The following DLG2 variants were observed in gnomAD, a reference collection of about 807,000 sequenced individuals.
DLG2 encodes discs large MAGUK scaffold protein 2.
DLG2 carries 45 observed loss-of-function variants against 132.5 expected under a neutral mutation model. The ratio of observed to expected loss-of-function variants is 0.34; its 90% CI spans 0.27 to 0.44. DLG2 has a LOEUF of 0.44. DLG2 is among the 20% of genes least tolerant of loss of function. The pLI is 1.00. For missense variants in DLG2, 1,045 were observed against 1,196.9 expected, an observed-to-expected ratio of 0.87 and a Z score of 1.87; for synonymous variants, 424 against 419.6, an observed-to-expected ratio of 1.01 and a Z score of -0.13.
intron 6 of DLG2, among the ~76,000 whole-genome samples, chr11:84,811,298 G>C (rs930529190): frequency 2.6e-5 from 4 of 152,106 alleles, no homozygotes; most frequent in Non-Finnish European, 5.9e-5. Context: ...TTCTGTGACA[G>C]AGTGAAAAAG....
In DLG2 at chr11:85,504,532, G is replaced by T. The variant is rs968323963; in HGVS notation, c.40+94125C>A. ...AATATCAGATGGTTGTAGATGTGTG[G>T]TATTATTTCTGAGGACTCTGTTCTG... On this transcript the variant is annotated intron_variant, in intron 3 of 27. Transcript: ENST00000376104. Among the ~76,000 whole-genome samples the T allele has an allele frequency of 9.9e-5, 15 of 152,038 alleles. 1 individual carries two copies. Among genetic ancestry groups the T allele is most frequent in the Admixed American group, 9.8e-4 (15 of 15,260 alleles).
intron 6 of DLG2, among the ~76,000 whole-genome samples, chr11:84,904,469 T>C (rs971927404): frequency 2.6e-5 from 4 of 152,196 alleles, no homozygotes; most frequent in African/African-American, 7.2e-5. Context: ...ATCTTATTTT[T>C]TAACTAAATC....
At chr11:85,370,708 T>G (rs1220809589) in intron 3 of DLG2, among the ~76,000 whole-genome samples, 4 of 152,194 alleles carry the variant, frequency 2.6e-5, no homozygotes, top group Non-Finnish European at 5.9e-5. Flanking sequence ...AACTTCAGTT[T>G]CAAAATTGTC....
In DLG2 at chr11:85,626,943, G is replaced by A. The variant is rs377525012; in HGVS notation, c.-259-190C>T. Among the ~76,000 whole-genome samples, 73 of 152,160 alleles carry A rather than the reference G, an allele frequency of 4.8e-4. 2 individuals carry two copies. The South Asian group carries it at 0.014, about 29-fold the overall frequency. On this transcript the variant is annotated intron_variant, in intron 1 of 27. Coordinates refer to ENST00000376104, the MANE Select transcript of DLG2 (RefSeq NM_001142699.3). The stretch of plus-strand genomic sequence containing the variant: ...GAACGTTACTGAAATTCCTCTTCAG[G>A]CAGCAACATTTTTGGAAGTTCAATG...
intron 19 of DLG2, among the ~76,000 whole-genome samples, chr11:83,604,533 G>T (rs554664537): frequency 6.6e-6 from 1 of 152,032 alleles, no homozygotes; most frequent in Non-Finnish European, 1.5e-5. Flanking sequence ...GGTTTTTTAG[G>T]GTAGTGAAAG....
intron 3 of DLG2, among the ~76,000 whole-genome samples, chr11:85,404,978 G>T (rs1486440579): frequency 2.0e-5 from 3 of 151,940 alleles, no homozygotes; most frequent in African/African-American, 7.2e-5. Flanking sequence ...ATCCCTTGAA[G>T]TTCCACAGAT....
chr11:83,837,604 C>T (rs565874964), intron 16 of DLG2, among the ~76,000 whole-genome samples: 1,589 of 150,506 alleles, frequency 0.011, 28 homozygotes, highest in African/African-American at 0.036. Flanking sequence ...ATTAGTCTAC[C>T]TGTTTTTCCC....
At chr11:83,930,573 G>T in intron 14 of DLG2, 90 bp from the exon 15 acceptor site, 1 of 1,303,816 alleles carries the variant, frequency 7.7e-7, no homozygotes, top group Non-Finnish European at 1.0e-6. Flanking sequence ...ATGTGCAAAA[G>T]TAAAAACAAT....
At chr11:84,157,496 T>A (rs1034680224) in intron 9 of DLG2, among the ~76,000 whole-genome samples, 1 of 152,140 alleles carries the variant, frequency 6.6e-6, no homozygotes, top group Non-Finnish European at 1.5e-5. Context: ...AGTGGCACAA[T>A]CATAGTTCTC....
chr11:83,786,835 A>C, intron 17 of DLG2, 43 bp from the exon 18 acceptor site: 1 of 1,575,952 alleles, frequency 6.3e-7, no homozygotes, highest in South Asian at 1.1e-5. Context: ...TTCATAAGGC[A>C]TATTATCCTG....
chr11:85,247,226 GATAGTAAAGAAAAATAA>G (rs1272770608), intron 4 of DLG2, among the ~76,000 whole-genome samples: 1 of 152,034 alleles, frequency 6.6e-6, no homozygotes, highest in African/African-American at 2.4e-5. Context: ...TAGAAGGGGA[GATAGTAAAGAAAAATAA>G]ATAAAGTTAT....
chr11:83,864,825 C>A (rs573111049), intron 16 of DLG2, among the ~76,000 whole-genome samples: 27 of 151,682 alleles, frequency 1.8e-4, no homozygotes, highest in Admixed American at 3.3e-4. Context: ...GAAAAAAAAA[C>A]CAGATTTCAT....
intron 7 of DLG2, among the ~76,000 whole-genome samples, chr11:84,462,034 T>C (rs977456961): frequency 6.6e-6 from 1 of 151,014 alleles, no homozygotes; most frequent in Non-Finnish European, 1.5e-5. Context: ...CAACGTTAAG[T>C]AGATTCTTGA....
Position 83,660,288 on chromosome 11 carries a change from G to A in DLG2, c.1826-26963C>T, listed in dbSNP as rs78044007. Among the ~76,000 whole-genome samples the A allele has an allele frequency of 5.6e-4, 85 of 152,282 alleles. 1 individual carries two copies. In the East Asian group the frequency reaches 0.014, roughly 25 times the overall value. ...ATCTGAAAGATTCTGTGACAGAGAC[G>A]CTATGGAAGAGGTCATAAGTCAGCA... On this transcript the variant is annotated intron_variant, in intron 18 of 27. Coordinates refer to ENST00000376104, the MANE Select transcript of DLG2 (RefSeq NM_001142699.3).
chr11:83,984,192 TGATAGATA>T (rs56166694), intron 11 of DLG2, among the ~76,000 whole-genome samples: 75,779 of 141,890 alleles, frequency 0.53, 21,139 homozygotes, highest in Middle Eastern at 0.65. Context: ...GATAGATAGA[TGATAGATA>T]GATAGATAGA....
At chr11:84,345,028 G>A (rs1019885327) in intron 7 of DLG2, among the ~76,000 whole-genome samples, 1 of 152,168 alleles carries the variant, frequency 6.6e-6, no homozygotes, top group Non-Finnish European at 1.5e-5. Flanking sequence ...CTAATGCTAT[G>A]TATGTAATAT....
At chr11:83,999,124 G>A (rs1017146718) in intron 11 of DLG2, among the ~76,000 whole-genome samples, 2 of 152,122 alleles carry the variant, frequency 1.3e-5, no homozygotes, top group East Asian at 1.9e-4. Context: ...TGGTGGCCTG[G>A]GAATCATGAC....
chr11:83,571,435 T>C (rs1350766731), intron 19 of DLG2, among the ~76,000 whole-genome samples: 4 of 152,110 alleles, frequency 2.6e-5, no homozygotes, highest in African/African-American at 9.7e-5. Context: ...GCTGTTAAGA[T>C]GACCTTGAAC....
At chr11:84,647,191 C>T (rs918743706) in intron 6 of DLG2, among the ~76,000 whole-genome samples, 2 of 152,134 alleles carry the variant, frequency 1.3e-5, no homozygotes, top group Non-Finnish European at 1.5e-5. Context: ...ATAGGAGGTA[C>T]ATTTTAACTG....
Sources: allele counts gnomAD v4.1 joint callset (sites outside exome capture counted in the v4.1 genomes callset), GRCh38; gene constraint gnomAD v4.1.1; transcripts MANE v1.5; gene names NCBI Gene and HGNC (gene_info 2026-07-23, HGNC 2026-07-21).